TRAPPC8: variants seen among roughly 807,000 people sequenced by gnomAD.
TRAPPC8 encodes trafficking protein particle complex subunit 8.
A neutral mutation model predicts 174.3 loss-of-function variants in TRAPPC8; 54 were observed. The ratio of observed to expected loss-of-function variants is 0.31; its 90% CI spans 0.25 to 0.39. TRAPPC8 has a LOEUF of 0.39. Among genes scored for constraint, TRAPPC8 ranks in the 10% least tolerant of loss-of-function variants. The pLI is 1.00. For synonymous variants in TRAPPC8, 630 were observed against 579.9 expected, an observed-to-expected ratio of 1.09 and a Z score of -1.24; for missense variants, 1,531 against 1,699.1, an observed-to-expected ratio of 0.90 and a Z score of 1.74.
At chr18:31,849,794 T>C in intron 24 of TRAPPC8, 55 bp from the exon 25 acceptor site, 1 of 1,481,246 alleles carries the variant, frequency 6.8e-7, no homozygotes, top group East Asian at 2.4e-5. Flanking sequence ...GTTGTCAAAA[T>C]TTATTTTGTA....
chr18:31,839,323 A>C lies in TRAPPC8; in HGVS notation c.3972T>G (p.Phe1324Leu). 6.3e-7 allele frequency: 1 copy of C among 1,598,346 alleles called. No homozygotes were observed. Among genetic ancestry groups the C allele is most frequent in the Non-Finnish European group, 8.5e-7 (1 of 1,174,302 alleles). The change falls in exon 27 of 29, where the codon TTT (phenylalanine) becomes TTG (leucine). Residue 1324 changes from phenylalanine to leucine, a missense_variant. Phe to Leu is a conservative substitution (Grantham distance 22). Transcript: ENST00000283351. ...LHYPESFNHP[F>L]HQKSLCLVPV... is the part of the protein sequence containing the mutation. ...AATAAAGCTCAAACCTTTTTTGATG[A>C]AATGGATGATTAAATGATTCTGGGT...
chr18:31,894,554 A>C (rs1490016556), intron 11 of TRAPPC8, among the ~76,000 whole-genome samples: 2 of 152,182 alleles, frequency 1.3e-5, no homozygotes, highest in Non-Finnish European at 2.9e-5. Context: ...ATTTTAACAA[A>C]AGATAAAAAG....
chr18:31,920,999 T>G (rs903362552), intron 2 of TRAPPC8, among the ~76,000 whole-genome samples: 2 of 150,532 alleles, frequency 1.3e-5, no homozygotes, highest in African/African-American at 2.4e-5. Flanking sequence ...ACATCTTTAG[T>G]CCCAGCATTC....
intron 26 of TRAPPC8, among the ~76,000 whole-genome samples, chr18:31,845,761 C>G (rs1373582993): frequency 2.0e-5 from 3 of 151,990 alleles, no homozygotes; most frequent in Admixed American, 6.6e-5. Flanking sequence ...GGAGGGGTTG[C>G]CTTCAGGTCC....
At chr18:31,919,449 C>A (rs1417526434) in intron 2 of TRAPPC8, among the ~76,000 whole-genome samples, 3 of 151,518 alleles carry the variant, frequency 2.0e-5, no homozygotes, top group Non-Finnish European at 4.4e-5. Flanking sequence ...AGGAGAATCA[C>A]TTGAACCCAG....
In TRAPPC8 at chr18:31,855,804, G is replaced by T. The variant is rs2033972415; in HGVS notation, c.3192C>A (p.His1064Gln). The change falls in exon 21 of 29, where the codon CAC (histidine) becomes CAA (glutamine). Residue 1064 changes from histidine to glutamine, a missense_variant. Coordinates refer to ENST00000283351, the MANE Select transcript of TRAPPC8 (RefSeq NM_014939.5). Reference sequence around the variant, plus strand: ...TAATTGCAGTGTGTCTTAATATTCTGTGCCTGAAGTTAAAAAAAAAAAAAA... The same window carrying T: ...TAATTGCAGTGTGTCTTAATATTCTTTGCCTGAAGTTAAAAAAAAAAAAAA... ...ESVKKQPKIR[H>Q]RILRHTAIIC... The T allele has an allele frequency of 1.9e-6, 3 of 1,562,784 alleles. No homozygotes were observed. Among genetic ancestry groups the T allele is most frequent in the Admixed American group, 2.1e-5 (1 of 47,866 alleles).
Position 31,897,911 on chromosome 18 carries a change from A to G in TRAPPC8, c.1491-20T>C. On this transcript the variant is annotated intron_variant, in intron 10 of 28. Transcript: ENST00000283351. Reference sequence around the variant, plus strand: ...ATATTCCTATAGAAAAAAGGACAAGAAGATAAAATAGCACAATAATACCTT... The same window carrying G: ...ATATTCCTATAGAAAAAAGGACAAGGAGATAAAATAGCACAATAATACCTT... The G allele has an allele frequency of 1.9e-6, 3 of 1,593,070 alleles. No individual in the cohort carries two copies. The highest frequency in any genetic ancestry group is 2.6e-6 in the Non-Finnish European group (3 of 1,164,636).
chr18:31,925,944 C>T (rs2037596983), intron 2 of TRAPPC8, among the ~76,000 whole-genome samples: 1 of 152,092 alleles, frequency 6.6e-6, no homozygotes, highest in South Asian at 2.1e-4. Context: ...CACCCTTTCT[C>T]AGGAAGCTAC....
At chr18:31,889,925 G>A (rs1040059557) in intron 12 of TRAPPC8, among the ~76,000 whole-genome samples, 1 of 152,114 alleles carries the variant, frequency 6.6e-6, no homozygotes, top group African/African-American at 2.4e-5. Flanking sequence ...GCTTTGGTTA[G>A]CACAGACTTA....
At chr18:31,918,577 C>T (rs1252194493) in intron 2 of TRAPPC8, among the ~76,000 whole-genome samples, 1 of 152,110 alleles carries the variant, frequency 6.6e-6, no homozygotes, top group Non-Finnish European at 1.5e-5. Context: ...GACAAGACAG[C>T]CCCCACAATA....
At chr18:31,894,712 C>T (rs2036112121) in intron 11 of TRAPPC8, among the ~76,000 whole-genome samples, 3 of 152,118 alleles carry the variant, frequency 2.0e-5, no homozygotes, top group Admixed American at 2.0e-4. Context: ...CAAAAGATGG[C>T]TCTAAGCTTT....
At chr18:31,922,952 G>A (rs1401841182) in intron 2 of TRAPPC8, among the ~76,000 whole-genome samples, 1 of 152,178 alleles carries the variant, frequency 6.6e-6, no homozygotes, top group South Asian at 2.1e-4. Flanking sequence ...AGGAGGCAGA[G>A]GTTGCAGTAA....
At chr18:31,885,402 G>C (rs943894349) in intron 12 of TRAPPC8, among the ~76,000 whole-genome samples, 3 of 152,026 alleles carry the variant, frequency 2.0e-5, no homozygotes, top group Non-Finnish European at 2.9e-5. Context: ...GACTAAAAAA[G>C]GATAAAACAT....
At chr18:31,846,157 A>C (rs558009232) in intron 26 of TRAPPC8, among the ~76,000 whole-genome samples, 5 of 152,334 alleles carry the variant, frequency 3.3e-5, no homozygotes, top group East Asian at 1.9e-4. Context: ...AGGAAACCCC[A>C]AAAACCATAA....
Position 31,943,076 on chromosome 18 carries a change from C to T in TRAPPC8, c.-312G>A, listed in dbSNP as rs1013337657. On this transcript the variant is annotated 5_prime_UTR_variant, in exon 1 of 29. Transcript: ENST00000283351. ...GGACGGCAAAACCTTGGTCACTGCC[C>T]GGCCGGAACCGCCATGTTGAGGCCG... 16 of 438,290 alleles carry T rather than the reference C, an allele frequency of 3.7e-5. No individual in the cohort carries two copies. Among genetic ancestry groups the T allele is most frequent in the Admixed American group, 8.8e-5 (2 of 22,746 alleles). The allele number at this position is 438,290 out of a possible 1,614,324, so 27.2% of individuals were successfully genotyped here. A position where few individuals can be genotyped will look rare whatever the true frequency, so the allele number is the denominator to read the frequency against.
chr18:31,864,674 C>T lies in TRAPPC8; in HGVS notation c.2698G>A (p.Asp900Asn). ...GTGATTATGGGATCTAAACGTCGAT[C>T]AGGGCCATATTTAACAGATGTTTTC... ...EEKTSVKYGPDRRLDPIITEE... is the reference protein window; with the variant it reads ...EEKTSVKYGPNRRLDPIITEE... The change falls in exon 19 of 29, where the codon GAT (aspartate) becomes AAT (asparagine). Residue 900 changes from aspartate to asparagine, a missense_variant. By Grantham distance (23) the Asp-to-Asn change is conservative. Coordinates refer to ENST00000283351, the MANE Select transcript of TRAPPC8 (RefSeq NM_014939.5). 6.2e-7 allele frequency: 1 copy of T among 1,612,800 alleles called. No individual in the cohort carries two copies. Among genetic ancestry groups the T allele is most frequent in the Non-Finnish European group, 8.5e-7 (1 of 1,179,396 alleles).
chr18:31,933,853 A>G (rs905420973), intron 1 of TRAPPC8, among the ~76,000 whole-genome samples: 1 of 152,188 alleles, frequency 6.6e-6, no homozygotes, highest in African/African-American at 2.4e-5. Context: ...TGTGGTACAA[A>G]TGTGTATTTA....
chr18:31,854,034 A>G (rs993418471), intron 21 of TRAPPC8, 89 bp from the exon 22 acceptor site: 1 of 955,370 alleles, frequency 1.0e-6, no homozygotes, highest in Admixed American at 2.6e-5. Context: ...CACTGCTACC[A>G]AAGTCAATGT....
chr18:31,917,617 G>T lies in TRAPPC8; in HGVS notation c.403C>A (p.Pro135Thr), dbSNP rs775767954. Residue 135 changes from proline (P) to threonine (T), a missense_variant, in exon 3 of 29, where the codon CCA (proline) becomes ACA (threonine). Coordinates refer to ENST00000283351, the MANE Select transcript of TRAPPC8 (RefSeq NM_014939.5). ...TTCAGAAATTCATGATCCAATGCTGGCATCGACTGAAGAAAGGTTTCTCTG... is the reference window on the plus strand; with the variant it reads ...TTCAGAAATTCATGATCCAATGCTGTCATCGACTGAAGAAAGGTTTCTCTG... ...SYRETFLQSM[P>T]ALDHEFLNHY... is the part of the protein sequence containing the mutation. 1.2e-6 allele frequency: 2 copies of T among 1,613,306 alleles called. No homozygotes were observed. The highest frequency in any genetic ancestry group is 4.5e-5 in the East Asian group (2 of 44,838).
Sources: gnomAD v4.1 joint callset for allele counts (sites outside exome capture counted in the v4.1 genomes callset) on GRCh38, gnomAD v4.1.1 for gene constraint, MANE v1.5 for transcripts, NCBI Gene and HGNC (gene_info 2026-07-23, HGNC 2026-07-21) for gene names.